The following BCHE variants were observed in gnomAD, a reference collection of about 807,000 sequenced individuals.
BCHE encodes the protein cholinesterase.
A neutral mutation model predicts 51.3 loss-of-function variants in BCHE; 48 were observed. The observed-to-expected ratio is 0.94, with a 90% CI of 0.74 to 1.19. BCHE has a LOEUF of 1.19. Ranked by LOEUF, BCHE falls within the 50% of genes most tolerant of loss-of-function variation. BCHE has a pLI of 0.00. For synonymous variants in BCHE, 251 were observed against 238.0 expected (o/e 1.05, Z -0.50); for missense variants, 847 against 708.2 (o/e 1.20, Z -2.23).
At chr3:165,799,785 TA>T (rs1277885224) in intron 2 of BCHE, among the ~76,000 whole-genome samples, 3 of 152,110 alleles carry the variant, frequency 2.0e-5, no homozygotes, top group Non-Finnish European at 2.9e-5. Flanking sequence ...TTCAGATACT[TA>T]AGTAATTGGT....
At chr3:165,777,025 GA>G (rs1357531243) in intron 3 of BCHE, among the ~76,000 whole-genome samples, 4 of 151,418 alleles carry the variant, frequency 2.6e-5, no homozygotes, top group Admixed American at 6.6e-5. Flanking sequence ...GTAAATAAAA[GA>G]AAAAAATAGA....
chr3:165,779,361 C>A (rs555435685), intron 3 of BCHE, among the ~76,000 whole-genome samples: 1 of 152,128 alleles, frequency 6.6e-6, no homozygotes, highest in African/African-American at 2.4e-5. Context: ...TGAAAACCGG[C>A]ACAAGACAAG....
At chr3:165,794,887 A>G (rs1405165938) in intron 2 of BCHE, among the ~76,000 whole-genome samples, 1 of 152,154 alleles carries the variant, frequency 6.6e-6, no homozygotes, top group Non-Finnish European at 1.5e-5. Flanking sequence ...TACAAATGAA[A>G]TACTGTAACA....
Position 165,772,968 on chromosome 3 carries a change from T to G in BCHE, c.*414A>C, listed in dbSNP as rs1242920296. 1 of 153,292 alleles carries G rather than the reference T, an allele frequency of 6.5e-6. No homozygotes were observed. Among genetic ancestry groups the G allele is most frequent in the African/African-American group, 2.4e-5 (1 of 41,462 alleles). 9.5% of individuals were successfully genotyped at this position (153,292 alleles called of 1,614,324 possible). On this transcript the variant is annotated 3_prime_UTR_variant, in exon 4 of 4. Coordinates refer to ENST00000264381, the MANE Select transcript of BCHE (RefSeq NM_000055.4). ...CAATTCTTATTTTAATTAGGAAACATAATATTGTAAACTATGGTGTACAGT... is the reference window on the plus strand; with the variant it reads ...CAATTCTTATTTTAATTAGGAAACAGAATATTGTAAACTATGGTGTACAGT...
At position 165,773,330 on chromosome 3, in the gene BCHE, T is replaced by C. The variant is rs886058155; in HGVS notation, c.*52A>G. 4 of 1,549,154 alleles carry C rather than the reference T, an allele frequency of 2.6e-6. No homozygotes were observed. The highest frequency in any genetic ancestry group is 1.2e-5 in the South Asian group (1 of 86,148). On this transcript the variant is annotated 3_prime_UTR_variant, in exon 4 of 4. Transcript: ENST00000264381. The stretch of plus-strand genomic sequence containing the variant: ...TAGGTGTGTAAAAAAGCTCCTGATA[T>C]TTTTGCCTTGATCTAAAGGAAAATA...
At position 165,816,038 on chromosome 3, in the gene BCHE, A is replaced by T. The variant is rs561850186; in HGVS notation, c.1517+13479T>A. 2.6e-5 allele frequency among the ~76,000 whole-genome samples: 4 copies of T among 152,080 alleles called. No individual in the cohort carries two copies. In the East Asian group the frequency reaches 7.7e-4, roughly 29 times the overall value. ...TTTCATCAAAAAAAAATCAATGAGT[A>T]ATTCTCTTAAAATTTAGGGCACAGT... is the stretch of plus-strand genomic sequence containing the variant. On this transcript the variant is annotated intron_variant, in intron 2 of 3. Transcript: ENST00000264381.
intron 2 of BCHE, among the ~76,000 whole-genome samples, chr3:165,827,444 TTAA>T: frequency 6.6e-6 from 1 of 151,534 alleles, no homozygotes; most frequent in Non-Finnish European, 1.5e-5. Context: ...TATTAATTAA[TTAA>T]TAATTAAATA....
intron 2 of BCHE, among the ~76,000 whole-genome samples, chr3:165,827,390 A>C (rs935005921): frequency 1.3e-5 from 2 of 151,620 alleles, no homozygotes; most frequent in African/African-American, 4.8e-5. Context: ...TTAAAATGTC[A>C]ATTTTTATTT....
chr3:165,818,393 T>C (rs1351270109), intron 2 of BCHE, among the ~76,000 whole-genome samples: 2 of 152,112 alleles, frequency 1.3e-5, no homozygotes, highest in Non-Finnish European at 2.9e-5. Context: ...ATTTTAGGAC[T>C]ACTAAAGCAT....
chr3:165,836,933 A>C (rs1447972015), intron 1 of BCHE, among the ~76,000 whole-genome samples: 2 of 152,182 alleles, frequency 1.3e-5, no homozygotes, highest in African/African-American at 4.8e-5. Context: ...AAGACTAATC[A>C]AAGATTACTT....
chr3:165,821,334 T>C (rs9878990), intron 2 of BCHE, among the ~76,000 whole-genome samples: 77,928 of 151,488 alleles, frequency 0.51, 23,538 homozygotes, highest in East Asian at 0.67. Context: ...TAAATTCCTA[T>C]ACAGACATTT....
chr3:165,784,686 A>T (rs1324136563), intron 3 of BCHE, among the ~76,000 whole-genome samples: 1 of 151,914 alleles, frequency 6.6e-6, no homozygotes, highest in Admixed American at 6.6e-5. Context: ...TAAAATGCTG[A>T]TATTCAAATT....
chr3:165,819,527 A>G, intron 2 of BCHE, among the ~76,000 whole-genome samples: 1 of 152,260 alleles, frequency 6.6e-6, no homozygotes, highest in South Asian at 2.1e-4. Flanking sequence ...TCATAAATGC[A>G]TTTACCAGTA....
chr3:165,836,131 C>A (rs1443332610), intron 1 of BCHE, among the ~76,000 whole-genome samples: 1 of 151,624 alleles, frequency 6.6e-6, no homozygotes, highest in Non-Finnish European at 1.5e-5. Flanking sequence ...TAGGACAATA[C>A]AAACAAACAA....
In BCHE at chr3:165,777,143, A is replaced by T. The variant is rs1185449828; in HGVS notation, c.1685-3637T>A. Among the ~76,000 whole-genome samples the T allele has an allele frequency of 3.9e-5, 6 of 151,922 alleles. No homozygotes were observed. The East Asian group carries it at 1.2e-3, about 29-fold the overall frequency. Reference sequence around the variant, plus strand: ...AATCCTCAATATTAATAAAGCTTACAATTCTCGTAACTATTTTTCAGAGAA... The same window carrying T: ...AATCCTCAATATTAATAAAGCTTACTATTCTCGTAACTATTTTTCAGAGAA... On this transcript the variant is annotated intron_variant, in intron 3 of 3. Transcript: ENST00000264381.
chr3:165,773,187 T>TCACC lies in BCHE; in HGVS notation c.*194_*195insGGTG. On this transcript the variant is annotated 3_prime_UTR_variant, in exon 4 of 4. Coordinates refer to ENST00000264381, the MANE Select transcript of BCHE (RefSeq NM_000055.4). ...AGAACTTTATATTGTGAAATTTAAT[T>TCACC]AAACACGTTCTAGCCATTTGGGTTT... 9.9e-6 allele frequency: 5 copies of TCACC among 504,788 alleles called. No homozygotes were observed. Among genetic ancestry groups the TCACC allele is most frequent in the Non-Finnish European group, 1.0e-5 (3 of 287,254 alleles). 31.3% of individuals were successfully genotyped at this position (504,788 alleles called of 1,614,324 possible). A position where few individuals can be genotyped will look rare whatever the true frequency, so the allele number is the denominator to read the frequency against.
chr3:165,821,492 G>GA (rs569429233), intron 2 of BCHE, among the ~76,000 whole-genome samples: 266 of 151,328 alleles, frequency 1.8e-3, no homozygotes, highest in Non-Finnish European at 2.7e-3. Flanking sequence ...GGAAATAAGT[G>GA]ATGTTAAAAT....
chr3:165,786,136 C>T lies in BCHE; in HGVS notation c.1684+9G>A. 1 of 1,610,054 alleles carries T rather than the reference C, an allele frequency of 6.2e-7. No individual in the cohort carries two copies. Among genetic ancestry groups the T allele is most frequent in the Non-Finnish European group, 8.5e-7 (1 of 1,177,036 alleles). ...CTATTAAATAACCAAACACTAAAAA[C>T]AGACACACCTGTCATTTCCAAGACT... On this transcript the variant is annotated intron_variant, in intron 3 of 3. Transcript: ENST00000264381.
At chr3:165,793,188 C>G (rs1170892329) in intron 2 of BCHE, among the ~76,000 whole-genome samples, 1 of 152,094 alleles carries the variant, frequency 6.6e-6, no homozygotes. Context: ...GTAATGTTCT[C>G]CCAGCTACAC....
Sources: allele counts gnomAD v4.1 joint callset (sites outside exome capture counted in the v4.1 genomes callset), GRCh38; gene constraint gnomAD v4.1.1; transcripts MANE v1.5; gene names NCBI Gene and HGNC (gene_info 2026-07-23, HGNC 2026-07-21).